PCBP3: variants seen among roughly 807,000 people sequenced by gnomAD.
The protein encoded by PCBP3 is poly(rC)-binding protein 3.
In PCBP3, 25 loss-of-function variants were observed where a neutral mutation model predicts 52.7. The ratio of observed to expected loss-of-function variants is 0.47; its 90% CI spans 0.35 to 0.66. The LOEUF is 0.66. PCBP3 is among the 30% of genes least tolerant of loss of function. The probability of loss-of-function intolerance (pLI) is 0.01; values close to 1 mark genes in which losing one functional copy is unlikely to be tolerated. For synonymous variants in PCBP3, 162 were observed against 183.0 expected, an observed-to-expected ratio of 0.89 and a Z score of 0.93; for missense variants, 391 against 490.3, an observed-to-expected ratio of 0.80 and a Z score of 1.91.
intron 4 of PCBP3, chr21:45,828,015 G>C (rs1222233419): frequency 1.3e-5 from 2 of 152,282 alleles, no homozygotes; most frequent in African/African-American, 2.4e-5. Flanking sequence ...TGTGGCTCTT[G>C]TCTTCAACCC....
At chr21:45,804,722 A>G (rs2092433279) in intron 4 of PCBP3, among the ~76,000 whole-genome samples, 1 of 151,988 alleles carries the variant, frequency 6.6e-6, no homozygotes, top group African/African-American at 2.4e-5. Flanking sequence ...CTTGGGTTGT[A>G]GTGTTGGCCA....
chr21:45,909,338 A>T lies in PCBP3; in HGVS notation c.340-17A>T, dbSNP rs773889175. ...ACGACGCCTGAAGTGCTGCCAACAC[A>T]CGTGTCTCTCCCCTAGGATATCATC... On this transcript the variant is annotated splice_polypyrimidine_tract_variant and intron_variant, in intron 9 of 17. Coordinates refer to ENST00000681687, the MANE Select transcript of PCBP3 (RefSeq NM_001384156.1). The T allele has an allele frequency of 6.2e-6, 10 of 1,608,694 alleles. No individual in the cohort carries two copies. In the Admixed American group the frequency reaches 1.7e-4, roughly 27 times the overall value.
chr21:45,716,391 ATAC>A (rs1352531418), intron 2 of PCBP3, among the ~76,000 whole-genome samples: 11 of 152,210 alleles, frequency 7.2e-5, no homozygotes, highest in African/African-American at 2.7e-4. Flanking sequence ...CCATAACAAC[ATAC>A]TACACTGAAT....
At chr21:45,874,931 A>G (rs12482377) in intron 5 of PCBP3, among the ~76,000 whole-genome samples, 23,280 of 152,142 alleles carry the variant, frequency 0.15, 1,938 homozygotes, top group Middle Eastern at 0.29. Context: ...ACGAGAGAGC[A>G]TGCAGGTCCC....
rs73376677 is a variant in PCBP3, at chr21:45,692,024, C to T, written c.-200+23072C>T. 4.9e-3 allele frequency among the ~76,000 whole-genome samples: 752 copies of T among 152,240 alleles called. 7 individuals are homozygous for T. Among genetic ancestry groups the T allele is most frequent in the African/African-American group, 0.017 (689 of 41,556 alleles). On this transcript the variant is annotated intron_variant, in intron 2 of 17. Coordinates refer to ENST00000681687, the MANE Select transcript of PCBP3 (RefSeq NM_001384156.1). ...ACAGGCCTGCAACAAGTACACAGTC[C>T]GTCTTCCCCTCAAGTCATTTTTCCA...
rs202097227 is a variant in PCBP3, at chr21:45,879,558, T to C, written c.11-16650T>C. 1.1e-4 allele frequency among the ~76,000 whole-genome samples: 16 copies of C among 152,284 alleles called. No individual in the cohort carries two copies. In the East Asian group the frequency reaches 2.7e-3, roughly 26 times the overall value. ...GGGATGTTCCCCAAGGCAGGTCATA[T>C]TCCATGTAAAAAACTAAAGCCTAAC... On this transcript the variant is annotated intron_variant, in intron 5 of 17. Coordinates refer to ENST00000681687, the MANE Select transcript of PCBP3 (RefSeq NM_001384156.1).
chr21:45,873,876 C>T (rs375267384), intron 5 of PCBP3, among the ~76,000 whole-genome samples: 49 of 152,302 alleles, frequency 3.2e-4, no homozygotes, highest in Middle Eastern at 3.4e-3. Context: ...GCTCACTATA[C>T]CCTCCACCTC....
intron 2 of PCBP3, among the ~76,000 whole-genome samples, chr21:45,674,651 A>G (rs1213754651): frequency 6.6e-6 from 1 of 152,202 alleles, no homozygotes; most frequent in African/African-American, 2.4e-5. Flanking sequence ...ATACTTCTCT[A>G]GGTCCACTTA....
Position 45,664,335 on chromosome 21 carries a change from C to A in PCBP3, c.-278-4539C>A, listed in dbSNP as rs554814414. On this transcript the variant is annotated intron_variant, in intron 1 of 17. Coordinates refer to ENST00000681687, the MANE Select transcript of PCBP3 (RefSeq NM_001384156.1). ...TGATGAAAGAAAATAAACTATCAAC[C>A]TAGAACTCCATATTTAACAAAAATA... 1.7e-3 allele frequency among the ~76,000 whole-genome samples: 247 copies of A among 146,274 alleles called. 1 individual carries two copies. Among genetic ancestry groups the A allele is most frequent in the Admixed American group, 3.2e-3 (47 of 14,614 alleles).
At chr21:45,860,174 A>G (rs1164496867) in intron 5 of PCBP3, among the ~76,000 whole-genome samples, 1 of 59,922 alleles carries the variant, frequency 1.7e-5, no homozygotes, top group African/African-American at 8.3e-5. Context: ...TCTCCAGCCG[A>G]CATCCGGGCT....
At chr21:45,873,276 C>T (rs956900696) in intron 5 of PCBP3, 1 of 152,194 alleles carries the variant, frequency 6.6e-6, no homozygotes, top group Admixed American at 6.5e-5. Flanking sequence ...TCTGCCCACT[C>T]CTCTGTGAGC....
At chr21:45,717,149 G>C (rs113088668) in intron 2 of PCBP3, among the ~76,000 whole-genome samples, 1 of 151,738 alleles carries the variant, frequency 6.6e-6, no homozygotes, top group Admixed American at 6.6e-5. Flanking sequence ...TTTTTGGATT[G>C]TTCATTGCTA....
At chr21:45,683,753 G>A (rs1256895078) in intron 2 of PCBP3, among the ~76,000 whole-genome samples, 2 of 151,636 alleles carry the variant, frequency 1.3e-5, no homozygotes, top group South Asian at 2.1e-4. Flanking sequence ...GATGAAACCC[G>A]GTCTCTACTA....
chr21:45,938,521 C>T (rs184112721), intron 16 of PCBP3, among the ~76,000 whole-genome samples: 3 of 152,312 alleles, frequency 2.0e-5, no homozygotes, highest in Admixed American at 2.0e-4. Flanking sequence ...TGAATGTGGC[C>T]ATGTGCCAAT....
At chr21:45,909,129 C>T (rs945381541) in intron 9 of PCBP3, among the ~76,000 whole-genome samples, 8 of 151,984 alleles carry the variant, frequency 5.3e-5, no homozygotes, top group East Asian at 1.9e-4. Flanking sequence ...CACTGCGGCA[C>T]GGTGACCATC....
chr21:45,897,981 C>T (rs1455658701), intron 6 of PCBP3, among the ~76,000 whole-genome samples: 5 of 152,206 alleles, frequency 3.3e-5, no homozygotes, highest in African/African-American at 1.2e-4. Context: ...GCCGGAGGCT[C>T]TGAGCTCTAG....
intron 2 of PCBP3, among the ~76,000 whole-genome samples, chr21:45,701,875 A>G (rs2083151757): frequency 6.6e-6 from 1 of 152,238 alleles, no homozygotes; most frequent in Non-Finnish European, 1.5e-5. Context: ...ATAACATTTT[A>G]ATAAAAAGAA....
At chr21:45,907,697 C>T (rs1220539913) in intron 9 of PCBP3, among the ~76,000 whole-genome samples, 2 of 151,424 alleles carry the variant, frequency 1.3e-5, no homozygotes, top group East Asian at 3.9e-4. Flanking sequence ...GTAAGTGTGG[C>T]TCTGAATTCA....
chr21:45,654,382 C>T (rs1241300370), intron 1 of PCBP3, among the ~76,000 whole-genome samples: 1 of 135,376 alleles, frequency 7.4e-6, no homozygotes, highest in Non-Finnish European at 1.5e-5. Flanking sequence ...TGCTCTGTTG[C>T]CAGGCTGGAG....
Sources: gnomAD v4.1 joint callset for allele counts (sites outside exome capture counted in the v4.1 genomes callset) on GRCh38, gnomAD v4.1.1 for gene constraint, MANE v1.5 for transcripts, NCBI Gene and HGNC (gene_info 2026-07-23, HGNC 2026-07-21) for gene names.